CACNA2D1: variants seen among roughly 807,000 people sequenced by gnomAD.
The protein encoded by CACNA2D1 is calcium voltage-gated channel auxiliary subunit alpha2delta 1, also known as voltage-dependent calcium channel subunit alpha-2/delta-1.
A neutral mutation model predicts 171.5 loss-of-function variants in CACNA2D1; 53 were observed. The observed-to-expected ratio is 0.31, with a 90% CI of 0.25 to 0.39. The LOEUF (loss-of-function observed/expected upper bound fraction) is 0.39. CACNA2D1 is among the 10% of genes least tolerant of loss of function. CACNA2D1 has a pLI of 1.00. For synonymous variants in CACNA2D1, 442 were observed against 443.1 expected, an observed-to-expected ratio of 1.00 and a Z score of 0.03; for missense variants, 903 against 1,299.8, an observed-to-expected ratio of 0.69 and a Z score of 4.69.
At chr7:82,238,818 C>A in intron 3 of CACNA2D1, among the ~76,000 whole-genome samples, 1 of 152,060 alleles carries the variant, frequency 6.6e-6, no homozygotes, top group East Asian at 1.9e-4. Context: ...TAATGCCACA[C>A]CTAGAGTTGG....
intron 5 of CACNA2D1, among the ~76,000 whole-genome samples, chr7:82,120,295 A>G (rs1009830727): frequency 6.6e-6 from 1 of 152,142 alleles, no homozygotes; most frequent in Non-Finnish European, 1.5e-5. Context: ...TCAAATTTCA[A>G]TCTCTAAATA....
chr7:82,328,204 C>T (rs1816880799), intron 3 of CACNA2D1, among the ~76,000 whole-genome samples: 1 of 152,202 alleles, frequency 6.6e-6, no homozygotes, highest in Admixed American at 6.5e-5. Context: ...CCCTTCACCA[C>T]TCAGACTCAA....
intron 6 of CACNA2D1, 22 bp downstream of exon 6, chr7:82,117,022 A>T (rs1789135810): frequency 1.2e-6 from 2 of 1,612,794 alleles, no homozygotes. Flanking sequence ...ATTCCAACAG[A>T]TGTTAACATT....
chr7:82,369,102 C>A (rs1019587374), intron 1 of CACNA2D1, among the ~76,000 whole-genome samples: 1 of 151,964 alleles, frequency 6.6e-6, no homozygotes, highest in Non-Finnish European at 1.5e-5. Context: ...TTAATAGTTT[C>A]TTCTCTGTAA....
intron 3 of CACNA2D1, among the ~76,000 whole-genome samples, chr7:82,229,100 C>A (rs1231014014): frequency 6.6e-6 from 1 of 152,090 alleles, no homozygotes; most frequent in Non-Finnish European, 1.5e-5. Flanking sequence ...TTTAAACAAG[C>A]TTTGCCCTCC....
At chr7:82,248,636 A>G (rs1805218797) in intron 3 of CACNA2D1, among the ~76,000 whole-genome samples, 1 of 152,172 alleles carries the variant, frequency 6.6e-6, no homozygotes, top group South Asian at 2.1e-4. Context: ...TTGAAGAATA[A>G]TTTTTCCATA....
intron 1 of CACNA2D1, among the ~76,000 whole-genome samples, chr7:82,432,735 C>T (rs1217834693): frequency 5.9e-5 from 9 of 152,168 alleles, no homozygotes; most frequent in Non-Finnish European, 8.8e-5. Flanking sequence ...GCAGGAAGCA[C>T]CAATAGAGTG....
chr7:82,311,378 A>G (rs938635986), intron 3 of CACNA2D1, among the ~76,000 whole-genome samples: 1 of 152,052 alleles, frequency 6.6e-6, no homozygotes. Flanking sequence ...AAAAGAAAAA[A>G]AAAACTAGAC....
At chr7:82,344,212 C>A (rs1818997866) in intron 2 of CACNA2D1, among the ~76,000 whole-genome samples, 1 of 152,126 alleles carries the variant, frequency 6.6e-6, no homozygotes, top group African/African-American at 2.4e-5. Context: ...ATGATAATCA[C>A]AAGTATTTCC....
At chr7:82,104,212 GAATA>G (rs1455869889) in intron 6 of CACNA2D1, among the ~76,000 whole-genome samples, 8 of 151,952 alleles carry the variant, frequency 5.3e-5, no homozygotes, top group African/African-American at 1.9e-4. Flanking sequence ...TTAATTTAAT[GAATA>G]AATGAATGAA....
chr7:82,244,207 G>A (rs573846706), intron 3 of CACNA2D1, among the ~76,000 whole-genome samples: 16 of 151,976 alleles, frequency 1.1e-4, no homozygotes, highest in Admixed American at 7.2e-4. Flanking sequence ...TTTTAATCTC[G>A]ATAAATAATA....
chr7:82,148,991 A>C (rs1793475624), intron 4 of CACNA2D1, among the ~76,000 whole-genome samples: 1 of 152,094 alleles, frequency 6.6e-6, no homozygotes, highest in South Asian at 2.1e-4. Context: ...CCACTCTATA[A>C]ATCAGAGAGA....
At chr7:82,031,828 T>C (rs1802736522) in intron 12 of CACNA2D1, among the ~76,000 whole-genome samples, 1 of 151,926 alleles carries the variant, frequency 6.6e-6, no homozygotes, top group Admixed American at 6.6e-5. Context: ...CCATTAGAGC[T>C]AGCAATAACC....
intron 6 of CACNA2D1, among the ~76,000 whole-genome samples, chr7:82,088,316 A>G (rs530070286): frequency 1.8e-3 from 274 of 152,232 alleles, no homozygotes; most frequent in Non-Finnish European, 3.2e-3. Flanking sequence ...ATTTTTTCAT[A>G]ACAGGAAAAA....
intron 2 of CACNA2D1, among the ~76,000 whole-genome samples, chr7:82,338,055 G>C (rs897077637): frequency 1.3e-5 from 2 of 152,044 alleles, no homozygotes; most frequent in African/African-American, 4.8e-5. Context: ...ATTAACATAT[G>C]TTAATTATGC....
intron 3 of CACNA2D1, among the ~76,000 whole-genome samples, chr7:82,268,793 A>C (rs567122936): frequency 6.6e-5 from 10 of 152,086 alleles, no homozygotes; most frequent in African/African-American, 2.4e-4. Flanking sequence ...TTTCCAAGAC[A>C]GTAAATCCAA....
chr7:82,349,933 T>A (rs1819659953), intron 1 of CACNA2D1, among the ~76,000 whole-genome samples: 1 of 152,212 alleles, frequency 6.6e-6, no homozygotes, highest in South Asian at 2.1e-4. Context: ...TTATTTTGAA[T>A]TAAAATTCCA....
intron 14 of CACNA2D1, 85 bp from the exon 15 acceptor site, chr7:82,012,328 G>C: frequency 2.6e-6 from 2 of 761,424 alleles, no homozygotes; most frequent in Non-Finnish European, 4.6e-6. Context: ...AAATATTCTA[G>C]AGTTAAAAAT....
chr7:82,293,364 T>C (rs1811895774), intron 3 of CACNA2D1, among the ~76,000 whole-genome samples: 1 of 152,342 alleles, frequency 6.6e-6, no homozygotes, highest in East Asian at 1.9e-4. Context: ...TCATACATAA[T>C]CTTTGTTTAT....
Sources: allele counts gnomAD v4.1 joint callset (sites outside exome capture counted in the v4.1 genomes callset), GRCh38; gene constraint gnomAD v4.1.1; transcripts MANE v1.5; gene names NCBI Gene and HGNC (gene_info 2026-07-23, HGNC 2026-07-21).